The following USP34 variants were observed in gnomAD, a reference collection of about 807,000 sequenced individuals.
USP34 encodes ubiquitin carboxyl-terminal hydrolase 34.
USP34 carries 70 observed loss-of-function variants against 460.3 expected under a neutral mutation model. That is an observed-to-expected ratio of 0.15 (90% CI 0.13 to 0.19). The LOEUF is 0.19. Among genes scored for constraint, USP34 ranks in the 10% least tolerant of loss-of-function variants. USP34 has a pLI of 1.00. For missense variants in USP34, 3,985 were observed against 4,236.2 expected (o/e 0.94, Z 1.65); for synonymous variants, 1,647 against 1,405.3 (o/e 1.17, Z -3.85).
intron 1 of USP34, among the ~76,000 whole-genome samples, chr2:61,467,923 C>T (rs1695827299): frequency 6.6e-6 from 1 of 151,736 alleles, no homozygotes; most frequent in Non-Finnish European, 1.5e-5. Context: ...CAGAGTTGCC[C>T]GGCCAACTCT....
At chr2:61,261,157 G>C (rs1463233022) in intron 43 of USP34, among the ~76,000 whole-genome samples, 1 of 152,226 alleles carries the variant, frequency 6.6e-6, no homozygotes. Context: ...CCACTTCTGG[G>C]TATACACCCA....
intron 50 of USP34, 88 bp from the exon 51 acceptor site, chr2:61,245,376 C>CAA: frequency 1.4e-6 from 1 of 696,864 alleles, no homozygotes; most frequent in Non-Finnish European, 2.2e-6. Context: ...ACCAATGTTA[C>CAA]AAGTGTCAAA....
intron 64 of USP34, 103 bp downstream of exon 64, chr2:61,222,957 A>C (rs1047960618): frequency 1.9e-6 from 2 of 1,072,866 alleles, no homozygotes; most frequent in African/African-American, 3.2e-5. Flanking sequence ...TTGGCCTCCC[A>C]AAGTGCTGGG....
chr2:61,433,528 G>A (rs181955041), intron 1 of USP34, among the ~76,000 whole-genome samples: 2,472 of 152,236 alleles, frequency 0.016, 32 homozygotes, highest in Non-Finnish European at 0.025. Context: ...CAACTACTGA[G>A]GAGGCTGAGG....
Position 61,295,005 on chromosome 2 carries a change from A to C in USP34, c.4405T>G (p.Ser1469Ala). Residue 1469 changes from serine to alanine, a missense_variant, in exon 32 of 80, where the codon TCA becomes GCA. Ser to Ala is a moderately conservative substitution (Grantham distance 99). Around this residue, in one of 14 missense-constraint regions of USP34, gnomAD observed 1,114 missense variants for 1,122.5 expected, o/e 0.99. Transcript: ENST00000398571. ...ACTTGATCTTCACTTGAATCATCTG[A>C]ATCTGGATAAAGATCACTGTAACTT... ...TGSYSDLYPD[S>A]DDSSEDQVEN... 6.2e-7 allele frequency: 1 copy of C among 1,612,786 alleles called. No homozygotes were observed. Among genetic ancestry groups the C allele is most frequent in the Admixed American group, 1.7e-5 (1 of 59,844 alleles).
At chr2:61,322,166 G>A (rs939050717) in intron 21 of USP34, among the ~76,000 whole-genome samples, 6 of 152,174 alleles carry the variant, frequency 3.9e-5, no homozygotes, top group Non-Finnish European at 8.8e-5. Context: ...GGAGGTGGAG[G>A]TTGCGGTGAG....
intron 48 of USP34, among the ~76,000 whole-genome samples, chr2:61,255,096 C>T (rs1219213068): frequency 6.6e-6 from 1 of 152,162 alleles, no homozygotes; most frequent in Non-Finnish European, 1.5e-5. Flanking sequence ...TCCCAAAGTG[C>T]TGGGATTACA....
chr2:61,445,893 A>T (rs1047385574), intron 1 of USP34, among the ~76,000 whole-genome samples: 1 of 151,842 alleles, frequency 6.6e-6, no homozygotes, highest in Non-Finnish European at 1.5e-5. Context: ...GGTTGCAGTG[A>T]GCTGCGATCG....
intron 15 of USP34, among the ~76,000 whole-genome samples, chr2:61,346,739 G>T (rs1691780487): frequency 6.9e-6 from 1 of 144,786 alleles, no homozygotes; most frequent in South Asian, 2.2e-4. Context: ...GGCTGAAGCA[G>T]AAGAATCGCT....
intron 2 of USP34, among the ~76,000 whole-genome samples, chr2:61,415,121 C>T (rs1020352933): frequency 1.7e-4 from 26 of 152,066 alleles, no homozygotes; most frequent in African/African-American, 5.3e-4. Flanking sequence ...AGGAAGTCAG[C>T]GTGAATTGGC....
chr2:61,254,852 T>A (rs574299280), intron 48 of USP34, among the ~76,000 whole-genome samples: 1 of 152,302 alleles, frequency 6.6e-6, no homozygotes, highest in East Asian at 1.9e-4. Context: ...GTATAGCATT[T>A]TTTTTTCTTT....
intron 33 of USP34, among the ~76,000 whole-genome samples, chr2:61,292,243 G>GAA (rs112608494): frequency 3.3e-4 from 49 of 147,956 alleles, no homozygotes; most frequent in African/African-American, 1.2e-3. Context: ...ATTTGAAAAG[G>GAA]AAAAAAAAAA....
intron 29 of USP34, among the ~76,000 whole-genome samples, chr2:61,298,572 A>AAAAAAAAAAAAAACTAGC (rs1690115222): frequency 7.7e-6 from 1 of 130,154 alleles, no homozygotes; most frequent in Non-Finnish European, 1.7e-5. Context: ...AAAAAAAAAA[A>AAAAAAAAAAAAAACTAGC]TCTGCTGAAA....
chr2:61,234,767 G>C (rs1167421662), intron 57 of USP34, among the ~76,000 whole-genome samples: 3 of 151,978 alleles, frequency 2.0e-5, no homozygotes, highest in African/African-American at 7.3e-5. Context: ...AGCCTCCCCA[G>C]TAGTTGGGAT....
chr2:61,207,153 G>T lies in USP34; in HGVS notation c.8920-267C>A, dbSNP rs1424654212. The T allele has an allele frequency of 3.1e-5, 8 of 261,490 alleles. No homozygotes were observed. The East Asian group carries it at 6.7e-4, about 22-fold the overall frequency. The allele number at this position is 261,490 out of a possible 1,614,324, so 16.2% of individuals were successfully genotyped here. A position where few individuals can be genotyped will look rare whatever the true frequency, so the allele number is the denominator to read the frequency against. ...ATCACATTTTTTTAAAAAAGTACTT[G>T]CTCTAAGATTGTTAAGTCTTCAAAA... On this transcript the variant is annotated intron_variant, in intron 70 of 79. Coordinates refer to ENST00000398571, the MANE Select transcript of USP34 (RefSeq NM_014709.4).
At chr2:61,234,459 A>T (rs1688004609) in intron 57 of USP34, among the ~76,000 whole-genome samples, 1 of 152,190 alleles carries the variant, frequency 6.6e-6, no homozygotes, top group African/African-American at 2.4e-5. Context: ...AACCAGGCAT[A>T]AACTGATCTA....
At chr2:61,456,780 C>G (rs577364928) in intron 1 of USP34, among the ~76,000 whole-genome samples, 7 of 151,882 alleles carry the variant, frequency 4.6e-5, no homozygotes, top group African/African-American at 1.7e-4. Flanking sequence ...CAGTGGGACC[C>G]CATCTCAATT....
At chr2:61,451,484 C>T (rs1253070392) in intron 1 of USP34, among the ~76,000 whole-genome samples, 2 of 151,416 alleles carry the variant, frequency 1.3e-5, no homozygotes, top group African/African-American at 2.4e-5. Context: ...TGGCAGCTCA[C>T]GACCAGCCTG....
chr2:61,364,694 C>T (rs551988832), intron 10 of USP34, among the ~76,000 whole-genome samples: 4 of 152,024 alleles, frequency 2.6e-5, no homozygotes, highest in African/African-American at 4.8e-5. Flanking sequence ...TTTGGGAGGT[C>T]GAGACAGGCA....
Sources: allele counts gnomAD v4.1 joint callset (sites outside exome capture counted in the v4.1 genomes callset), GRCh38; gene constraint gnomAD v4.1.1; regional missense constraint gnomAD v4.1.1; transcripts MANE v1.5; gene names NCBI Gene and HGNC (gene_info 2026-07-23, HGNC 2026-07-21).